The following PELI2 variants were observed in gnomAD, a reference collection of about 807,000 sequenced individuals.
PELI2 encodes E3 ubiquitin-protein ligase pellino homolog 2.
Under a neutral mutation model 42.3 loss-of-function variants are expected in PELI2, and 23 were observed. The ratio of observed to expected loss-of-function variants is 0.54; its 90% CI spans 0.39 to 0.77. The LOEUF (loss-of-function observed/expected upper bound fraction) is 0.77. Ranked by LOEUF, PELI2 falls within the 30% of genes least tolerant of loss-of-function variation. PELI2 has a pLI of 0.00. For synonymous variants in PELI2, 245 were observed against 212.2 expected (o/e 1.15, Z -1.34); for missense variants, 463 against 553.2 (o/e 0.84, Z 1.64).
At chr14:56,229,066 G>C (rs1279101991) in intron 2 of PELI2, among the ~76,000 whole-genome samples, 1 of 152,240 alleles carries the variant, frequency 6.6e-6, no homozygotes, top group African/African-American at 2.4e-5. Flanking sequence ...GTCTGCCATT[G>C]CTGAGGCTTG....
chr14:56,188,995 A>C (rs1885867254), intron 2 of PELI2, among the ~76,000 whole-genome samples: 1 of 152,122 alleles, frequency 6.6e-6, no homozygotes, highest in African/African-American at 2.4e-5. Flanking sequence ...CCCCGTCTCT[A>C]CTAAAAATAG....
chr14:56,152,734 A>G (rs978526958), intron 1 of PELI2, among the ~76,000 whole-genome samples: 3 of 152,238 alleles, frequency 2.0e-5, no homozygotes, highest in Admixed American at 6.5e-5. Context: ...TAAACATTCT[A>G]TTTATAACCA....
At chr14:56,185,208 A>G (rs975292028) in intron 2 of PELI2, among the ~76,000 whole-genome samples, 2 of 152,150 alleles carry the variant, frequency 1.3e-5, no homozygotes, top group Non-Finnish European at 1.5e-5. Flanking sequence ...CCTCTATTAC[A>G]TTTCCATTAA....
intron 2 of PELI2, among the ~76,000 whole-genome samples, chr14:56,200,407 C>T (rs1459009393): frequency 7.5e-6 from 1 of 133,182 alleles, no homozygotes; most frequent in Non-Finnish European, 1.7e-5. Flanking sequence ...AAGTAACCTC[C>T]CCAGGGTCAC....
intron 2 of PELI2, among the ~76,000 whole-genome samples, chr14:56,255,743 G>A (rs1302099038): frequency 6.6e-6 from 1 of 152,146 alleles, no homozygotes; most frequent in South Asian, 2.1e-4. Flanking sequence ...GTGTGATCAG[G>A]TGTGTCATTT....
chr14:56,228,016 C>G (rs1343218763), intron 2 of PELI2, among the ~76,000 whole-genome samples: 1 of 152,246 alleles, frequency 6.6e-6, no homozygotes, highest in East Asian at 1.9e-4. Flanking sequence ...GTTACCCCTT[C>G]ATTGCTTCTA....
chr14:56,293,328 T>A (rs188156364), intron 5 of PELI2, among the ~76,000 whole-genome samples: 2 of 152,136 alleles, frequency 1.3e-5, no homozygotes, highest in African/African-American at 2.4e-5. Context: ...TGGTAGAATT[T>A]AAAAAATAAA....
intron 3 of PELI2, among the ~76,000 whole-genome samples, chr14:56,281,667 C>T (rs1396184459): frequency 2.0e-5 from 3 of 152,058 alleles, no homozygotes; most frequent in African/African-American, 7.2e-5. Context: ...ATTTGTATCA[C>T]AAAAGGTTAA....
intron 1 of PELI2, among the ~76,000 whole-genome samples, chr14:56,133,103 C>T (rs184674876): frequency 2.5e-4 from 38 of 151,944 alleles, no homozygotes; most frequent in African/African-American, 7.5e-4. Context: ...ATATTATTTT[C>T]GTTTTTTTCA....
At chr14:56,190,077 G>C (rs1006412883) in intron 2 of PELI2, among the ~76,000 whole-genome samples, 1 of 152,008 alleles carries the variant, frequency 6.6e-6, no homozygotes, top group Non-Finnish European at 1.5e-5. Context: ...TCGAATTAGA[G>C]TTGGACCTCT....
intron 1 of PELI2, chr14:56,118,960 G>A (rs976570178): frequency 2.7e-5 from 7 of 261,210 alleles, no homozygotes; most frequent in Non-Finnish European, 5.0e-5. Flanking sequence ...TGTCCGCGCG[G>A]AGGACGCGGC....
intron 1 of PELI2, among the ~76,000 whole-genome samples, chr14:56,121,593 T>TA (rs747375139): frequency 6.6e-6 from 1 of 152,202 alleles, no homozygotes; most frequent in Non-Finnish European, 1.5e-5. Context: ...ATTTTAAACT[T>TA]ACGTTTTAAG....
chr14:56,191,473 G>A (rs113475167), intron 2 of PELI2, among the ~76,000 whole-genome samples: 1 of 152,212 alleles, frequency 6.6e-6, no homozygotes, highest in African/African-American at 2.4e-5. Flanking sequence ...GATACCGGGT[G>A]GAGTCCAGGC....
In PELI2 at chr14:56,297,208, T is replaced by G; in HGVS notation, c.*42T>G. On this transcript the variant is annotated 3_prime_UTR_variant, in exon 6 of 6. Coordinates refer to ENST00000267460, the MANE Select transcript of PELI2 (RefSeq NM_021255.3). ...CTACGACTTTATTAACAGGTTACTGTGAAGATTTTGCCACTAACTCTAGAT... is the reference window on the plus strand; with the variant it reads ...CTACGACTTTATTAACAGGTTACTGGGAAGATTTTGCCACTAACTCTAGAT... 1 of 1,402,334 alleles carries G rather than the reference T, an allele frequency of 7.1e-7. No homozygotes were observed. The highest frequency in any genetic ancestry group is 2.4e-5 in the East Asian group (1 of 41,692). 86.9% of individuals were successfully genotyped at this position (1,402,334 alleles called of 1,614,324 possible).
At chr14:56,283,789 T>C (rs989323717) in intron 3 of PELI2, among the ~76,000 whole-genome samples, 1 of 152,240 alleles carries the variant, frequency 6.6e-6, no homozygotes, top group Non-Finnish European at 1.5e-5. Flanking sequence ...CACATGTTTC[T>C]TAAGGAAATA....
At chr14:56,171,330 T>C (rs1042500895) in intron 1 of PELI2, among the ~76,000 whole-genome samples, 2 of 152,200 alleles carry the variant, frequency 1.3e-5, no homozygotes, top group African/African-American at 4.8e-5. Context: ...CTGGTACACA[T>C]GCTCTCTTAC....
chr14:56,147,641 G>A (rs1197070389), intron 1 of PELI2, among the ~76,000 whole-genome samples: 1 of 152,142 alleles, frequency 6.6e-6, no homozygotes, highest in Non-Finnish European at 1.5e-5. Context: ...GTTGATCCAT[G>A]AAATCTGGGA....
At chr14:56,255,857 T>G (rs138629799) in intron 2 of PELI2, among the ~76,000 whole-genome samples, 146 of 152,280 alleles carry the variant, frequency 9.6e-4, no homozygotes, top group African/African-American at 3.4e-3. Flanking sequence ...TACATGTGGC[T>G]GGCAGAGAAG....
chr14:56,169,799 T>C (rs757365119), intron 1 of PELI2, among the ~76,000 whole-genome samples: 1 of 152,204 alleles, frequency 6.6e-6, no homozygotes, highest in Non-Finnish European at 1.5e-5. Context: ...CAGCATTTCT[T>C]AAGCAAAGAG....
Sources: gnomAD v4.1 joint callset for allele counts (sites outside exome capture counted in the v4.1 genomes callset) on GRCh38, gnomAD v4.1.1 for gene constraint, MANE v1.5 for transcripts, NCBI Gene and HGNC (gene_info 2026-07-23, HGNC 2026-07-21) for gene names.